LSG1: variants seen among roughly 807,000 people sequenced by gnomAD.
LSG1 encodes large subunit GTPase 1 homolog.
Under a neutral mutation model 82.6 loss-of-function variants are expected in LSG1, and 55 were observed. The ratio of observed to expected loss-of-function variants is 0.67; its 90% CI spans 0.54 to 0.83. The LOEUF (loss-of-function observed/expected upper bound fraction) is 0.83. Among genes scored for constraint, LSG1 ranks in the 40% least tolerant of loss-of-function variants. The pLI, the probability that LSG1 is intolerant of heterozygous loss-of-function variation, is 0.00. For missense variants in LSG1, 809 were observed against 807.9 expected, an observed-to-expected ratio of 1.00 and a Z score of -0.02; for synonymous variants, 272 against 282.5, an observed-to-expected ratio of 0.96 and a Z score of 0.37.
At chr3:194,664,243 G>T (rs1718988839) in intron 5 of LSG1, among the ~76,000 whole-genome samples, 1 of 152,040 alleles carries the variant, frequency 6.6e-6, no homozygotes, top group South Asian at 2.1e-4. Context: ...GTGAGCCACC[G>T]CGCTGGGCCC....
chr3:194,650,997 G>T lies in LSG1; in HGVS notation c.1303C>A (p.Leu435Met). The part of the protein sequence containing the change: ...QTLYVEPGLC[L>M]CDCPGLVMPS... ...ATCACCAAGCCAGGACAGTCACACA[G>T]GCAGAGGCCAGGCTCCACATAGAGA... The change falls in exon 10 of 14, where the codon CTG becomes ATG. Residue 435 changes from leucine (L) to methionine (M), a missense_variant. Leu to Met is a conservative substitution (Grantham distance 15). Coordinates refer to ENST00000265245, the MANE Select transcript of LSG1 (RefSeq NM_018385.3). 6.2e-7 allele frequency: 1 copy of T among 1,614,144 alleles called. No homozygotes were observed. Among genetic ancestry groups the T allele is most frequent in the Non-Finnish European group, 8.5e-7 (1 of 1,180,016 alleles).
At chr3:194,657,592 A>C (rs73069340) in intron 7 of LSG1, among the ~76,000 whole-genome samples, 7,912 of 152,154 alleles carry the variant, frequency 0.052, 507 homozygotes, top group African/African-American at 0.15. Flanking sequence ...CACAAGAAAT[A>C]TGAATGCTGT....
chr3:194,661,056 C>T (rs1718919226), intron 5 of LSG1, among the ~76,000 whole-genome samples: 1 of 152,114 alleles, frequency 6.6e-6, no homozygotes, highest in Non-Finnish European at 1.5e-5. Context: ...GTTAACCAGC[C>T]TTTTCTGAGG....
intron 3 of LSG1, 25 bp downstream of exon 3, chr3:194,666,427 C>T (rs1476029198): frequency 1.9e-6 from 3 of 1,608,850 alleles, no homozygotes; most frequent in Non-Finnish European, 2.5e-6. Context: ...TGTTTTGTGG[C>T]ATTCTAAATT....
chr3:194,646,029 C>T, intron 12 of LSG1, 135 bp downstream of exon 12: 1 of 799,862 alleles, frequency 1.3e-6, no homozygotes, highest in Non-Finnish European at 2.1e-6. Flanking sequence ...TGTTAACTAC[C>T]CTACATCAAG....
chr3:194,670,113 T>G lies in LSG1; in HGVS notation c.122A>C (p.Asp41Ala). The G allele has an allele frequency of 6.2e-7, 1 of 1,608,334 alleles. No individual in the cohort carries two copies. The highest frequency in any genetic ancestry group is 8.5e-7 in the Non-Finnish European group (1 of 1,178,400). Residue 41 changes from aspartate to alanine, a missense_variant, in exon 2 of 14, where the codon GAT becomes GCT. By Grantham distance (126) the Asp-to-Ala change is moderately radical (BLOSUM62 -2). Coordinates refer to ENST00000265245, the MANE Select transcript of LSG1 (RefSeq NM_018385.3). ...ATTAAGACGACCCCAATCATAGCCA[T>G]CATTGAGTTCACTTGTGTGCAACTA... ...DSWLHTSELN[D>A]GYDWGRLNLQ...
At chr3:194,656,397 A>G (rs973217126) in intron 7 of LSG1, among the ~76,000 whole-genome samples, 14 of 152,226 alleles carry the variant, frequency 9.2e-5, no homozygotes, top group Non-Finnish European at 1.0e-4. Context: ...ATGTGAAAAA[A>G]TGCTCATCAT....
At chr3:194,665,452 A>C in intron 5 of LSG1, 105 bp downstream of exon 5, 1 of 697,244 alleles carries the variant, frequency 1.4e-6, no homozygotes, top group Non-Finnish European at 2.4e-6. Flanking sequence ...AACCCTCTGC[A>C]TAGCTTAATT....
chr3:194,651,346 C>T, intron 8 of LSG1, 130 bp from the exon 9 acceptor site: 1 of 669,018 alleles, frequency 1.5e-6, no homozygotes, highest in South Asian at 1.9e-5. Flanking sequence ...GAAATCCATG[C>T]TGTGTTTGTT....
intron 7 of LSG1, among the ~76,000 whole-genome samples, chr3:194,656,132 A>G (rs1441483164): frequency 2.6e-5 from 4 of 151,978 alleles, no homozygotes; most frequent in African/African-American, 9.7e-5. Context: ...AATGGCAACA[A>G]AAGCCAAAAT....
At chr3:194,670,802 A>G (rs1719127291) in intron 1 of LSG1, among the ~76,000 whole-genome samples, 1 of 152,202 alleles carries the variant, frequency 6.6e-6, no homozygotes, top group Non-Finnish European at 1.5e-5. Context: ...AAAAATTGCC[A>G]GGCGTGGTGG....
At chr3:194,642,445 T>A (rs13061372) in intron 13 of LSG1, among the ~76,000 whole-genome samples, 198 bp from the exon 14 acceptor site, 21,067 of 149,414 alleles carry the variant, frequency 0.14, 2,119 homozygotes, top group East Asian at 0.42. Context: ...CCTCATTCCC[T>A]CGTCAACTTT....
chr3:194,670,164 A>T, intron 1 of LSG1, 29 bp from the exon 2 acceptor site: 3 of 1,611,504 alleles, frequency 1.9e-6, no homozygotes, highest in East Asian at 2.2e-5. Context: ...TGATAAATAC[A>T]GCTGCTCTCT....
At chr3:194,659,206 C>G in intron 6 of LSG1, 73 bp from the exon 7 acceptor site, 6 of 1,286,510 alleles carry the variant, frequency 4.7e-6, no homozygotes, top group Non-Finnish European at 6.5e-6. Flanking sequence ...TATTAAAGAT[C>G]CCAATACAAG....
At chr3:194,645,591 C>CAGACAG (rs1459987226) in intron 12 of LSG1, among the ~76,000 whole-genome samples, 7 of 105,916 alleles carry the variant, frequency 6.6e-5, no homozygotes, top group Admixed American at 1.0e-4. Context: ...CACACACACA[C>CAGACAG]ACACACACAC....
chr3:194,668,782 C>G (rs1358865312), intron 2 of LSG1, among the ~76,000 whole-genome samples: 2 of 152,012 alleles, frequency 1.3e-5, no homozygotes, highest in African/African-American at 4.8e-5. Flanking sequence ...TCACAAGAGC[C>G]AAGATATGGA....
intron 13 of LSG1, among the ~76,000 whole-genome samples, chr3:194,643,680 G>A (rs1718446543): frequency 6.6e-6 from 1 of 152,120 alleles, no homozygotes; most frequent in Non-Finnish European, 1.5e-5. Flanking sequence ...ATACAACCCA[G>A]CAACCCCACG....
intron 13 of LSG1, among the ~76,000 whole-genome samples, chr3:194,643,568 G>A (rs1718443773): frequency 6.6e-6 from 1 of 152,160 alleles, no homozygotes; most frequent in Non-Finnish European, 1.5e-5. Flanking sequence ...ACAAGGATGA[G>A]GAGACAATTA....
chr3:194,658,935 C>G (rs1279833973), intron 7 of LSG1, 22 bp downstream of exon 7: 6 of 1,574,086 alleles, frequency 3.8e-6, no homozygotes, highest in Non-Finnish European at 5.2e-6. Context: ...TGAAAGCCAA[C>G]CTAAAATGTC....
Sources: allele counts gnomAD v4.1 joint callset (sites outside exome capture counted in the v4.1 genomes callset), GRCh38; gene constraint gnomAD v4.1.1; transcripts MANE v1.5; gene names NCBI Gene and HGNC (gene_info 2026-07-23, HGNC 2026-07-21).